MTUS2: variants seen among roughly 807,000 people sequenced by gnomAD.
The protein encoded by MTUS2 is microtubule-associated tumor suppressor candidate 2.
Under a neutral mutation model 114.1 loss-of-function variants are expected in MTUS2, and 40 were observed. The ratio of observed to expected loss-of-function variants is 0.35; its 90% CI spans 0.27 to 0.46. MTUS2 has a LOEUF of 0.46. MTUS2 is among the 20% of genes least tolerant of loss of function. The pLI, the probability that MTUS2 is intolerant of heterozygous loss-of-function variation, is 1.00. For missense variants in MTUS2, 1,679 were observed against 1,705.4 expected (o/e 0.98, Z 0.27); for synonymous variants, 688 against 672.0 (o/e 1.02, Z -0.37).
At chr13:29,035,699 A>G (rs776839321) in intron 4 of MTUS2, among the ~76,000 whole-genome samples, 11 of 152,108 alleles carry the variant, frequency 7.2e-5, no homozygotes, top group Non-Finnish European at 1.2e-4. Flanking sequence ...TAGATGGTTC[A>G]CTGAACACAG....
At chr13:29,150,046 T>C (rs1892604514) in intron 5 of MTUS2, among the ~76,000 whole-genome samples, 1 of 152,200 alleles carries the variant, frequency 6.6e-6, no homozygotes, top group Admixed American at 6.5e-5. Flanking sequence ...TTTCTAATTC[T>C]ATGAAGAGTG....
rs1891425940 is a variant in MTUS2 at position 29,124,271 on chromosome 13, TA to T, written c.2644+23303del. Among the ~76,000 whole-genome samples the T allele has an allele frequency of 2.6e-5, 4 of 152,228 alleles. No homozygotes were observed. In the South Asian group the frequency reaches 8.3e-4, roughly 32 times the overall value. On this transcript the variant is annotated intron_variant, in intron 5 of 15. Transcript: ENST00000612955. ...TTAGTGGAGGAGGATACTGATATTC[TA>T]ATTTAATGTAAATCATTACAATATA...
intron 5 of MTUS2, among the ~76,000 whole-genome samples, chr13:29,254,379 G>C (rs1018100493): frequency 2.0e-5 from 3 of 152,238 alleles, no homozygotes; most frequent in African/African-American, 7.2e-5. Context: ...CTGTGGGATA[G>C]AGTGGGGAAA....
chr13:29,497,665 G>C, intron 13 of MTUS2: 2 of 308,130 alleles, frequency 6.5e-6, no homozygotes, highest in Non-Finnish European at 1.2e-5. Flanking sequence ...CCATTCTCCC[G>C]CAACTTTTTA....
At chr13:29,066,974 A>AG (rs1053536948) in intron 4 of MTUS2, among the ~76,000 whole-genome samples, 5 of 152,136 alleles carry the variant, frequency 3.3e-5, no homozygotes, top group African/African-American at 1.2e-4. Context: ...TCTGTCAAGG[A>AG]GGGAGGCTGT....
At chr13:29,290,581 C>T (rs1031240299) in intron 6 of MTUS2, among the ~76,000 whole-genome samples, 7 of 152,156 alleles carry the variant, frequency 4.6e-5, no homozygotes, top group African/African-American at 7.2e-5. Flanking sequence ...CCGCCTGCCT[C>T]GGCCTCCCAA....
chr13:29,019,842 G>C (rs1367008967), intron 2 of MTUS2, among the ~76,000 whole-genome samples: 1 of 152,264 alleles, frequency 6.6e-6, no homozygotes, highest in Non-Finnish European at 1.5e-5. Context: ...GTGCTACACG[G>C]TGTACTTAGA....
intron 1 of MTUS2, among the ~76,000 whole-genome samples, chr13:28,830,460 AAAG>A (rs1286299323): frequency 6.6e-6 from 1 of 151,210 alleles, no homozygotes; most frequent in Non-Finnish European, 1.5e-5. Flanking sequence ...AATTGTTAAA[AAAG>A]GAACAAAATA....
At chr13:29,183,736 TA>T (rs1894103460) in intron 5 of MTUS2, among the ~76,000 whole-genome samples, 1 of 152,228 alleles carries the variant, frequency 6.6e-6, no homozygotes, top group Non-Finnish European at 1.5e-5. Context: ...TCCTGGAAGC[TA>T]AATGAAAACA....
intron 5 of MTUS2, among the ~76,000 whole-genome samples, chr13:29,276,945 AAG>A (rs544677045): frequency 6.6e-6 from 1 of 152,132 alleles, no homozygotes; most frequent in Non-Finnish European, 1.5e-5. Context: ...AATAAGAAAA[AAG>A]AATAATATAG....
At chr13:29,357,189 T>C (rs1869820776) in intron 7 of MTUS2, among the ~76,000 whole-genome samples, 1 of 151,878 alleles carries the variant, frequency 6.6e-6, no homozygotes, top group Non-Finnish European at 1.5e-5. Flanking sequence ...ATGATGATGA[T>C]GATGATGATA....
intron 10 of MTUS2, among the ~76,000 whole-genome samples, chr13:29,481,347 G>A (rs1264167289): frequency 6.6e-6 from 1 of 152,104 alleles, no homozygotes; most frequent in Non-Finnish European, 1.5e-5. Context: ...GCAGGCGGAC[G>A]ATTCAGTGTA....
intron 2 of MTUS2, among the ~76,000 whole-genome samples, chr13:28,975,834 C>T (rs1884069400): frequency 6.6e-6 from 1 of 152,148 alleles, no homozygotes; most frequent in African/African-American, 2.4e-5. Context: ...TTTCAGTGAA[C>T]ATTTATGACC....
At chr13:29,306,348 A>G (rs1396341587) in intron 6 of MTUS2, among the ~76,000 whole-genome samples, 1 of 152,190 alleles carries the variant, frequency 6.6e-6, no homozygotes, top group Non-Finnish European at 1.5e-5. Flanking sequence ...AAGTCAAAGT[A>G]TCTTTGTTTG....
At chr13:29,305,116 C>T (rs767321596) in intron 6 of MTUS2, among the ~76,000 whole-genome samples, 3 of 152,138 alleles carry the variant, frequency 2.0e-5, no homozygotes, top group Admixed American at 6.5e-5. Context: ...GTACCAGAAT[C>T]TCTGGGTTGC....
chr13:28,835,130 A>G (rs551258744), intron 1 of MTUS2, among the ~76,000 whole-genome samples: 1 of 152,338 alleles, frequency 6.6e-6, no homozygotes, highest in Non-Finnish European at 1.5e-5. Flanking sequence ...ATAGGCATAG[A>G]GTAACAACAT....
chr13:29,167,173 G>A (rs889264486), intron 5 of MTUS2, among the ~76,000 whole-genome samples: 47 of 152,162 alleles, frequency 3.1e-4, no homozygotes, highest in Non-Finnish European at 6.0e-4. Context: ...GGGAGATAGA[G>A]ACCATCCTGG....
chr13:29,292,720 A>G (rs1369970076), intron 6 of MTUS2, among the ~76,000 whole-genome samples: 1 of 152,176 alleles, frequency 6.6e-6, no homozygotes, highest in Non-Finnish European at 1.5e-5. Context: ...TTTATTTGTC[A>G]TTTACTCATT....
At position 29,345,043 on chromosome 13, in the gene MTUS2, T is replaced by G. The variant is rs533545424; in HGVS notation, c.2906-14219T>G. On this transcript the variant is annotated intron_variant, in intron 7 of 15. Transcript: ENST00000612955. ...AAAAATTCGCTGTTAATCTGATAGA[T>G]GTTCCTTTATAAATTACTTGATACT... Among the ~76,000 whole-genome samples the G allele has an allele frequency of 1.6e-4, 24 of 152,308 alleles. 2 individuals carry two copies. In the East Asian group the frequency reaches 4.6e-3, roughly 29 times the overall value.
Sources: gnomAD v4.1 joint callset for allele counts (sites outside exome capture counted in the v4.1 genomes callset) on GRCh38, gnomAD v4.1.1 for gene constraint, MANE v1.5 for transcripts, NCBI Gene and HGNC (gene_info 2026-07-23, HGNC 2026-07-21) for gene names.